Variants in SEPTIN8 observed in about 807,000 individuals in gnomAD.
SEPTIN8 encodes the protein septin-8.
In SEPTIN8, 22 loss-of-function variants were observed where a neutral mutation model predicts 53.1. That is an observed-to-expected ratio of 0.41 (90% confidence interval 0.30 to 0.59). SEPTIN8 has a LOEUF of 0.59. SEPTIN8 is among the 20% of genes least tolerant of loss of function. The pLI is 0.24. For missense variants in SEPTIN8, 536 were observed against 638.7 expected, an observed-to-expected ratio of 0.84 and a Z score of 1.73; for synonymous variants, 228 against 248.4, an observed-to-expected ratio of 0.92 and a Z score of 0.77.
chr5:132,774,518 C>T (rs945638162), intron 1 of SEPTIN8, among the ~76,000 whole-genome samples: 1 of 152,190 alleles, frequency 6.6e-6, no homozygotes, highest in African/African-American at 2.4e-5. Context: ...GAGGGCTGCT[C>T]CACACACCCA....
chr5:132,771,689 G>A (rs1757333689), intron 1 of SEPTIN8, among the ~76,000 whole-genome samples: 1 of 152,188 alleles, frequency 6.6e-6, no homozygotes, highest in South Asian at 2.1e-4. Flanking sequence ...CAGGAGCCTG[G>A]GCCTTAAATA....
At chr5:132,757,845 A>G (rs1278798185) in intron 9 of SEPTIN8, 1 of 985,412 alleles carries the variant, frequency 1.0e-6, no homozygotes, top group African/African-American at 1.7e-5. Context: ...GTCTATATAC[A>G]TCAGACACCT....
chr5:132,761,604 G>GTCGCAGTGATTCTC lies in SEPTIN8; in HGVS notation c.802_815dup (p.Asp272GlufsTer8). ...TCAACATCTCCCGCAGCTTCACGAA[G>GTCGCAGTGATTCTC]TCGCAGTGATTCTCATTCTCCACTG... On this transcript the variant is annotated frameshift_variant, in exon 7 of 10. Transcript: ENST00000378719. LOFTEE classifies it high-confidence loss of function. This position sits in a 1 kb window ranked among gnomAD's most constrained non-coding sequence, Gnocchi z 5.8. 1 of 1,614,004 alleles carries GTCGCAGTGATTCTC rather than the reference G, an allele frequency of 6.2e-7. No individual in the cohort carries two copies. Among genetic ancestry groups the GTCGCAGTGATTCTC allele is most frequent in the Non-Finnish European group, 8.5e-7 (1 of 1,179,986 alleles).
chr5:132,777,380 A>T (rs141727186), upstream of SEPTIN8: 1,279 of 1,023,420 alleles, frequency 1.2e-3, 18 homozygotes, highest in African/African-American at 0.02. The surrounding 1 kb of genome is among the most constrained non-coding windows in gnomAD (Gnocchi z 4.1). Context: ...CGCCGCTTGG[A>T]CGGCCGGGGG....
chr5:132,759,135 C>G (rs949695718), intron 9 of SEPTIN8: 2 of 498,196 alleles, frequency 4.0e-6, no homozygotes, highest in African/African-American at 3.8e-5. Flanking sequence ...GCACTCCCGA[C>G]TCACACTAGT....
intron 1 of SEPTIN8, among the ~76,000 whole-genome samples, chr5:132,772,101 T>G (rs1231364746): frequency 6.6e-6 from 1 of 152,184 alleles, no homozygotes; most frequent in Non-Finnish European, 1.5e-5. Flanking sequence ...AGGCCAGTCC[T>G]ACTCCACCCA....
intron 9 of SEPTIN8, chr5:132,758,729 A>G (rs563821966): frequency 6.2e-7 from 1 of 1,612,560 alleles, no homozygotes; most frequent in Non-Finnish European, 8.5e-7. Context: ...TCCTCACACC[A>G]TGTTATGGGA....
chr5:132,756,332 A>G (rs750923167), intron 9 of SEPTIN8: 1 of 979,674 alleles, frequency 1.0e-6, no homozygotes, highest in South Asian at 4.7e-5. Flanking sequence ...GATCTGGTGT[A>G]ATTAATAGCA....
intron 9 of SEPTIN8, chr5:132,757,092 A>T: frequency 1.0e-6 from 1 of 985,404 alleles, no homozygotes; most frequent in Non-Finnish European, 1.2e-6. Context: ...TTTCAATTGC[A>T]ACCAGATACG....
chr5:132,763,678 CT>C, intron 4 of SEPTIN8, 27 bp downstream of exon 4: 1 of 1,601,142 alleles, frequency 6.2e-7, no homozygotes, highest in Non-Finnish European at 8.6e-7. Flanking sequence ...ACTATGGAGC[CT>C]GTGACAGCAG....
intron 9 of SEPTIN8, chr5:132,757,685 C>A: frequency 1.0e-6 from 1 of 985,404 alleles, no homozygotes; most frequent in Non-Finnish European, 1.2e-6. Context: ...TCCCATTTTA[C>A]CAGGCCGTAT....
At chr5:132,769,706 G>T (rs149218941) in intron 1 of SEPTIN8, among the ~76,000 whole-genome samples, 2 of 151,970 alleles carry the variant, frequency 1.3e-5, no homozygotes, top group African/African-American at 4.8e-5. Context: ...GCTCAGGAGA[G>T]CAAAGCCAGG....
At position 132,760,152 on chromosome 5, in the gene SEPTIN8, G is replaced by A. The variant is rs921421279; in HGVS notation, c.1286+650C>T. On this transcript the variant is annotated intron_variant, in intron 9 of 9. Coordinates refer to ENST00000378719, the MANE Select transcript of SEPTIN8 (RefSeq NM_001098811.2). This position sits in a 1 kb window ranked among gnomAD's most constrained non-coding sequence, Gnocchi z 5.2. ...CAGCTGTGTGGTGACCAGTCTCCAG[G>A]AGGCCAGTGTTGGCTGGCGCGAGTG... is the stretch of plus-strand genomic sequence containing the variant. Among the ~76,000 whole-genome samples the A allele has an allele frequency of 2.0e-5, 3 of 152,106 alleles. No individual in the cohort carries two copies. The highest frequency in any genetic ancestry group is 6.5e-5 in the Admixed American group (1 of 15,282).
chr5:132,772,699 C>T (rs980904981), intron 1 of SEPTIN8, among the ~76,000 whole-genome samples: 1 of 152,178 alleles, frequency 6.6e-6, no homozygotes, highest in Admixed American at 6.5e-5. Flanking sequence ...GGCACCAATA[C>T]GGGTTGGCAG....
intron 9 of SEPTIN8, chr5:132,758,481 G>A (rs1228223976): frequency 1.2e-6 from 2 of 1,610,772 alleles, no homozygotes; most frequent in Non-Finnish European, 1.7e-6. Flanking sequence ...ATCCCGGCTG[G>A]GGCCTTCGCT....
In SEPTIN8 at chr5:132,760,202, CCAGCCAATACGGGCT is replaced by C; in HGVS notation, c.1286+585_1286+599del. 6.6e-6 allele frequency among the ~76,000 whole-genome samples: 1 copy of C among 152,196 alleles called. No homozygotes were observed. The highest frequency in any genetic ancestry group is 1.9e-4 in the East Asian group (1 of 5,152). ...GCCCGCAGTTCTCCATCACCACCTG[CCAGCCAATACGGGCT>C]CCACACCACTGCCCCACAGACTGAG... On this transcript the variant is annotated intron_variant, in intron 9 of 9. Transcript: ENST00000378719. This position sits in a 1 kb window ranked among gnomAD's most constrained non-coding sequence, Gnocchi z 5.2.
At chr5:132,777,635 C>T (rs994149087), upstream of SEPTIN8, 9 of 985,444 alleles carry the variant, frequency 9.1e-6, no homozygotes, top group Non-Finnish European at 9.6e-6. The surrounding 1 kb of genome is among the most constrained non-coding windows in gnomAD (Gnocchi z 4.1). Context: ...ACCAAGCCGT[C>T]TCCACCCGCT....
upstream of SEPTIN8, among the ~76,000 whole-genome samples, chr5:132,778,991 C>A (rs144276864): frequency 1.1e-3 from 164 of 152,268 alleles, 1 homozygote; most frequent in African/African-American, 3.8e-3. Context: ...TCAAAATGGT[C>A]TTTTATCTCT....
upstream of SEPTIN8, among the ~76,000 whole-genome samples, chr5:132,779,560 T>C (rs1209417809): frequency 6.6e-6 from 1 of 152,256 alleles, no homozygotes; most frequent in African/African-American, 2.4e-5. Flanking sequence ...CAGGAAATGC[T>C]GCCCTCCAGG....
Sources: gnomAD v4.1 joint callset for allele counts (sites outside exome capture counted in the v4.1 genomes callset) on GRCh38, gnomAD v4.1.1 for gene constraint, Gnocchi (gnomAD v3.1) non-coding constraint, MANE v1.5 for transcripts, NCBI Gene and HGNC (gene_info 2026-07-23, HGNC 2026-07-21) for gene names.